The following MET variants were observed in gnomAD, a reference collection of about 807,000 sequenced individuals.
The protein encoded by MET is MET proto-oncogene, receptor tyrosine kinase.
MET carries 48 observed loss-of-function variants against 133.1 expected under a neutral mutation model. The ratio of observed to expected loss-of-function variants is 0.36; its 90% confidence interval spans 0.29 to 0.46. MET has a LOEUF of 0.46. Among genes scored for constraint, MET ranks in the 20% least tolerant of loss-of-function variants. The pLI, the probability that MET is intolerant of heterozygous loss-of-function variation, is 1.00. For synonymous variants in MET, 628 were observed against 616.5 expected, an observed-to-expected ratio of 1.02 and a Z score of -0.28; for missense variants, 1,442 against 1,695.9, an observed-to-expected ratio of 0.85 and a Z score of 2.63.
chr7:116,787,124 T>C (rs998485529), intron 19 of MET, among the ~76,000 whole-genome samples: 2 of 152,126 alleles, frequency 1.3e-5, no homozygotes, highest in African/African-American at 4.8e-5. Flanking sequence ...AAAGTGATAG[T>C]GCCATGTAGA....
At chr7:116,684,490 T>C (rs890905093) in intron 1 of MET, among the ~76,000 whole-genome samples, 23 of 152,228 alleles carry the variant, frequency 1.5e-4, no homozygotes, top group Admixed American at 5.9e-4. Context: ...GTTTGATGTT[T>C]GAGCACATAG....
chr7:116,796,306 G>A lies in MET; in HGVS notation c.*182G>A. On this transcript the variant is annotated 3_prime_UTR_variant, in exon 21 of 21. Transcript: ENST00000397752. ...TATCTGACAGAGCATCAGAACCAGA[G>A]GCTTGGTCCCACAGGCCACGGACCA... The A allele has an allele frequency of 3.0e-6, 2 of 659,782 alleles. No homozygotes were observed. The highest frequency in any genetic ancestry group is 2.7e-5 in the East Asian group (1 of 36,530). 40.9% of individuals were successfully genotyped at this position (659,782 alleles called of 1,614,324 possible).
At chr7:116,697,324 TTACC>T (rs1796998975) in intron 1 of MET, among the ~76,000 whole-genome samples, 3 of 152,168 alleles carry the variant, frequency 2.0e-5, no homozygotes, top group Non-Finnish European at 4.4e-5. Flanking sequence ...CTGGCTCTTG[TTACC>T]TCATTATGGG....
At chr7:116,711,638 T>G (rs1562890263) in intron 2 of MET, among the ~76,000 whole-genome samples, 6 of 152,094 alleles carry the variant, frequency 3.9e-5, no homozygotes, top group Non-Finnish European at 8.8e-5. Context: ...TTTTTTTTTT[T>G]GTTTAGTGTA....
At position 116,771,697 on chromosome 7, in the gene MET, A is replaced by G. The variant is rs746689980; in HGVS notation, c.2887+43A>G. 4 of 1,610,536 alleles carry G rather than the reference A, an allele frequency of 2.5e-6. No homozygotes were observed. The South Asian group carries it at 4.4e-5, about 18-fold the overall frequency. The stretch of plus-strand genomic sequence containing the variant: ...TTCATTTTTAGAAGTTACCTTAAGA[A>G]CACAGTCATTACAGTTTAAGATTGT... On this transcript the variant is annotated intron_variant, in intron 13 of 20. Coordinates refer to ENST00000397752, the MANE Select transcript of MET (RefSeq NM_000245.4).
intron 17 of MET, among the ~76,000 whole-genome samples, chr7:116,779,388 T>C (rs1244033869): frequency 6.6e-6 from 1 of 152,216 alleles, no homozygotes; most frequent in Non-Finnish European, 1.5e-5. Context: ...TCAGGAACTT[T>C]GCACTTGTGC....
intron 17 of MET, among the ~76,000 whole-genome samples, chr7:116,780,834 C>G (rs1221464156): frequency 6.6e-6 from 1 of 152,204 alleles, no homozygotes; most frequent in Non-Finnish European, 1.5e-5. Flanking sequence ...AGTGACATCA[C>G]CAGACTTGAC....
Position 116,718,633 on chromosome 7 carries a change from C to A in MET, c.1201-13035C>A, listed in dbSNP as rs1464494783. Among the ~76,000 whole-genome samples the A allele has an allele frequency of 4.7e-3, 529 of 112,458 alleles. 2 individuals carry two copies. The highest frequency in any genetic ancestry group is 0.016 in the African/African-American group (490 of 29,988). The allele number at this position is 112,458 out of a possible 152,430, so 73.8% of individuals were successfully genotyped here. ...CATTAGGTATATCTCCCAATGCTAT[C>A]CCTCCCCCCTCCCCCCACCCCACCA... is the stretch of plus-strand genomic sequence containing the variant. On this transcript the variant is annotated intron_variant, in intron 2 of 20. Transcript: ENST00000397752.
In MET at chr7:116,708,525, TTAAAA is replaced by T. The variant is rs1791880880; in HGVS notation, c.1200+8246_1200+8250del. ...TTAACTTTTTAAAACATTTCCTGCC[TTAAAA>T]TAAACAGCAGTAAATGTGTTTAAAC... On this transcript the variant is annotated intron_variant, in intron 2 of 20. Coordinates refer to ENST00000397752, the MANE Select transcript of MET (RefSeq NM_000245.4). Among the ~76,000 whole-genome samples the T allele has an allele frequency of 2.6e-5, 4 of 152,310 alleles. No individual in the cohort carries two copies. In the South Asian group the frequency reaches 8.3e-4, roughly 32 times the overall value.
intron 2 of MET, among the ~76,000 whole-genome samples, chr7:116,718,599 A>G (rs1019736277): frequency 2.7e-5 from 4 of 147,160 alleles, no homozygotes; most frequent in Non-Finnish European, 6.0e-5. Flanking sequence ...CCACTAACTC[A>G]TCATCTAGCA....
chr7:116,740,501 GA>G (rs916126282), intron 4 of MET, among the ~76,000 whole-genome samples: 1 of 152,174 alleles, frequency 6.6e-6, no homozygotes, highest in Admixed American at 6.5e-5. Context: ...GAATTTTCCA[GA>G]GATTCAAGTG....
At chr7:116,750,279 G>A (rs1024112887) in intron 5 of MET, among the ~76,000 whole-genome samples, 6 of 151,942 alleles carry the variant, frequency 3.9e-5, no homozygotes, top group South Asian at 2.1e-4. Flanking sequence ...ATAACACCAC[G>A]CATTTACAAC....
chr7:116,729,808 T>C (rs1792928924), intron 2 of MET, among the ~76,000 whole-genome samples: 1 of 152,218 alleles, frequency 6.6e-6, no homozygotes, highest in South Asian at 2.1e-4. Context: ...AACAAAAAGC[T>C]TTAATAATAT....
intron 1 of MET, among the ~76,000 whole-genome samples, chr7:116,686,387 C>T (rs1349561470): frequency 1.3e-5 from 2 of 152,176 alleles, no homozygotes; most frequent in African/African-American, 2.4e-5. Context: ...TCCCAATTTC[C>T]GAGCTACAAA....
At chr7:116,784,259 T>C (rs961925839) in intron 19 of MET, among the ~76,000 whole-genome samples, 2 of 152,236 alleles carry the variant, frequency 1.3e-5, no homozygotes, top group Non-Finnish European at 2.9e-5. Flanking sequence ...TACTAGGTCA[T>C]AGAGTTCCTT....
intron 1 of MET, among the ~76,000 whole-genome samples, chr7:116,679,086 ACTAAC>A (rs553925927): frequency 1.3e-5 from 2 of 152,316 alleles, no homozygotes; most frequent in East Asian, 3.9e-4. Flanking sequence ...TGTAATCCTT[ACTAAC>A]CCCAAGGAAA....
At chr7:116,785,146 G>C (rs1260914298) in intron 19 of MET, among the ~76,000 whole-genome samples, 3 of 152,206 alleles carry the variant, frequency 2.0e-5, no homozygotes, top group Middle Eastern at 3.2e-3. Flanking sequence ...CAAGGCCTTG[G>C]GCAGCTCTGC....
chr7:116,702,605 T>C (rs750200033), intron 2 of MET, among the ~76,000 whole-genome samples: 60 of 152,316 alleles, frequency 3.9e-4, no homozygotes, highest in Non-Finnish European at 3.7e-4. Flanking sequence ...AGAAATCAAG[T>C]GACCCTTTTA....
chr7:116,786,965 A>G (rs2283053), intron 19 of MET, among the ~76,000 whole-genome samples: 22,095 of 152,186 alleles, frequency 0.15, 2,006 homozygotes, highest in East Asian at 0.28. Context: ...TTGTGACTTC[A>G]ACTGAAAGCT....
Sources: allele counts gnomAD v4.1 joint callset (sites outside exome capture counted in the v4.1 genomes callset), GRCh38; gene constraint gnomAD v4.1.1; transcripts MANE v1.5; gene names NCBI Gene and HGNC (gene_info 2026-07-23, HGNC 2026-07-21).